CIAO3: variants seen among roughly 807,000 people sequenced by gnomAD.
CIAO3 encodes LET1 like/JFP15.
In CIAO3, 45 loss-of-function variants were observed where a neutral mutation model predicts 51.5. The ratio of observed to expected loss-of-function variants is 0.87; its 90% CI spans 0.69 to 1.12. The LOEUF (loss-of-function observed/expected upper bound fraction) is 1.12. Among genes scored for constraint, CIAO3 ranks in the 50% most tolerant of loss-of-function variants. CIAO3 has a pLI of 0.00. For missense variants in CIAO3, 668 were observed against 632.5 expected, an observed-to-expected ratio of 1.06 and a Z score of -0.60; for synonymous variants, 314 against 269.3, an observed-to-expected ratio of 1.17 and a Z score of -1.63.
In CIAO3 at chr16:736,247, C is replaced by T; in HGVS notation, c.439+19G>A. The T allele has an allele frequency of 6.2e-7, 1 of 1,612,116 alleles. No individual in the cohort carries two copies. The highest frequency in any genetic ancestry group is 8.5e-7 in the Non-Finnish European group (1 of 1,179,476). ...CCCTTGATTTGGAGCGGCAGTGTTA[C>T]CCCAGGTTCAAAGCCTACCTATTTT... On this transcript the variant is annotated intron_variant, in intron 4 of 10. Transcript: ENST00000251588.
At chr16:736,471 T>A in intron 3 of CIAO3, 73 bp from the exon 4 acceptor site, 1 of 1,588,508 alleles carries the variant, frequency 6.3e-7, no homozygotes, top group Non-Finnish European at 8.6e-7. Flanking sequence ...AGCCGCACGG[T>A]GAGATGCTGT....
Position 734,368 on chromosome 16 carries a change from C to G in CIAO3, c.575-21G>C, listed in dbSNP as rs777501488. 29 of 1,558,738 alleles carry G rather than the reference C, an allele frequency of 1.9e-5. No homozygotes were observed. The African/African-American group carries it at 3.9e-4, about 21-fold the overall frequency. On this transcript the variant is annotated intron_variant, in intron 5 of 10. Coordinates refer to ENST00000251588, the MANE Select transcript of CIAO3 (RefSeq NM_022493.3). ...CCAGCCTGAGGTGACAGGGGGCACA[C>G]GGGGCTGGCGGGGGCGCACGGCGGC... is the stretch of plus-strand genomic sequence containing the variant.
Position 734,953 on chromosome 16 carries a change from G to C in CIAO3, c.440-82C>G. Reference sequence around the variant, plus strand: ...ACGCCGGCGTGTGGACCACCATGGTGCTGCCAGGGCACGTGTGTCGCACCT... The same window carrying C: ...ACGCCGGCGTGTGGACCACCATGGTCCTGCCAGGGCACGTGTGTCGCACCT... On this transcript the variant is annotated intron_variant, in intron 4 of 10. Coordinates refer to ENST00000251588, the MANE Select transcript of CIAO3 (RefSeq NM_022493.3). 4.8e-6 allele frequency: 7 copies of C among 1,451,898 alleles called. No individual in the cohort carries two copies. The South Asian group carries it at 7.1e-5, about 15-fold the overall frequency. 89.9% of individuals were successfully genotyped at this position (1,451,898 alleles called of 1,614,324 possible). A position where few individuals can be genotyped will look rare whatever the true frequency, so the allele number is the denominator to read the frequency against.
Position 730,850 on chromosome 16 carries a change from G to T in CIAO3, c.1185C>A (p.Cys395Ter). The T allele has an allele frequency of 2.5e-6, 4 of 1,612,600 alleles. No homozygotes were observed. The South Asian group carries it at 4.4e-5, about 18-fold the overall frequency. The stretch of plus-strand genomic sequence containing the variant: ...GTCCCTTGCAGGAGCTACCTGAGGG[G>T]CAGGCCATGACCTCCACGTAGTGGT... ...CPYHYVEVMA[C>*]PSGCLNGGGQ... The change falls in exon 10 of 11, where the codon TGC becomes TGA. Residue 395 changes from cysteine to a stop codon, truncating the protein, a stop_gained. Coordinates refer to ENST00000251588, the MANE Select transcript of CIAO3 (RefSeq NM_022493.3). LOFTEE classifies it low-confidence loss of function (END_TRUNC).
rs576154899 is a variant in CIAO3 at position 730,162 on chromosome 16, A to C, written c.*255T>G. On this transcript the variant is annotated 3_prime_UTR_variant, in exon 11 of 11. Coordinates refer to ENST00000251588, the MANE Select transcript of CIAO3 (RefSeq NM_022493.3). ...GGCCTCGGCCCAGGGCCAACGGAAC[A>C]GGCTCTGGGACCTCAGGGAACCTTC... 1.8e-6 allele frequency: 1 copy of C among 570,222 alleles called. No individual in the cohort carries two copies. The highest frequency in any genetic ancestry group is 1.9e-5 in the African/African-American group (1 of 53,408). 35.3% of individuals were successfully genotyped at this position (570,222 alleles called of 1,614,324 possible).
chr16:736,297 G>A lies in CIAO3; in HGVS notation c.408C>T (p.Ala136=). ...ARFQLNPTDT[A]RKLTSFFKKI... ...TTTTAAAGAATGAGGTTAATTTCCTGGCAGTATCTGTAGGATTCAGCTGAA... is the reference window on the plus strand; with the variant it reads ...TTTTAAAGAATGAGGTTAATTTCCTAGCAGTATCTGTAGGATTCAGCTGAA... The change falls in exon 4 of 11, where the codon GCC becomes GCT. Residue 136 remains alanine (A), a synonymous_variant. Coordinates refer to ENST00000251588, the MANE Select transcript of CIAO3 (RefSeq NM_022493.3). 1 of 1,612,978 alleles carries A rather than the reference G, an allele frequency of 6.2e-7. No homozygotes were observed. The highest frequency in any genetic ancestry group is 8.5e-7 in the Non-Finnish European group (1 of 1,179,796).
chr16:730,736 C>A, intron 10 of CIAO3, 81 bp from the exon 11 acceptor site: 1 of 1,577,948 alleles, frequency 6.3e-7, no homozygotes, highest in Non-Finnish European at 8.6e-7. Flanking sequence ...GGGAGGTGAC[C>A]GGGCCCCCTC....
At chr16:738,138 GCT>G (rs2041357462) in intron 2 of CIAO3, 1 of 1,012,680 alleles carries the variant, frequency 9.9e-7, no homozygotes, top group East Asian at 1.0e-4. Flanking sequence ...GCCACAGGGT[GCT>G]GGGCAGAGGC....
At chr16:736,212 C>T in intron 4 of CIAO3, 54 bp downstream of exon 4, 1 of 1,608,222 alleles carries the variant, frequency 6.2e-7, no homozygotes, top group Non-Finnish European at 8.5e-7. Flanking sequence ...CCTGGGCTTA[C>T]TCAGACGCCC....
Position 737,075 on chromosome 16 carries a change from A to G in CIAO3, c.306+111T>C. On this transcript the variant is annotated intron_variant, in intron 3 of 10. Coordinates refer to ENST00000251588, the MANE Select transcript of CIAO3 (RefSeq NM_022493.3). This position sits in a 1 kb window ranked among gnomAD's most constrained non-coding sequence, Gnocchi z 5.3. ...TCCAAGCCTCAAAAAGGCAGGCGCC[A>G]CCCGCACGACGGACGTCGGCACCAC... The G allele has an allele frequency of 2.8e-6, 4 of 1,427,040 alleles. No homozygotes were observed. Among genetic ancestry groups the G allele is most frequent in the Non-Finnish European group, 3.9e-6 (4 of 1,027,358 alleles). The allele number at this position is 1,427,040 out of a possible 1,614,324, so 88.4% of individuals were successfully genotyped here.
At chr16:739,297 T>G in intron 2 of CIAO3, 1 of 291,116 alleles carries the variant, frequency 3.4e-6, no homozygotes, top group Non-Finnish European at 6.7e-6. Flanking sequence ...AGACTCTGTA[T>G]CAAACAAACA....
intron 3 of CIAO3, among the ~76,000 whole-genome samples, chr16:736,783 C>T (rs1002878109): frequency 3.3e-5 from 5 of 152,136 alleles, no homozygotes; most frequent in African/African-American, 1.2e-4. Flanking sequence ...CCTGCCTCAG[C>T]CTCTCTAGTA....
rs111890934 is a variant in CIAO3, at chr16:733,087, G to A, written c.823+211C>T. ...AGCCAACAAGGAGGTATTACTGAGC[G>A]CCACCTGGCTGCAGGTCCCCAAGAC... On this transcript the variant is annotated intron_variant, in intron 7 of 10. Transcript: ENST00000251588. The A allele has an allele frequency of 6.6e-3, 3,862 of 584,312 alleles. 102 individuals are homozygous for A. Among genetic ancestry groups the A allele is most frequent in the African/African-American group, 0.063 (3,362 of 53,466 alleles). 36.2% of individuals were successfully genotyped at this position (584,312 alleles called of 1,614,324 possible).
intron 7 of CIAO3, 25 bp from the exon 8 acceptor site, chr16:732,398 A>G: frequency 1.2e-6 from 2 of 1,611,720 alleles, no homozygotes; most frequent in Non-Finnish European, 8.5e-7. Flanking sequence ...CAGCGCAGAC[A>G]CTCTTTAGCG....
intron 3 of CIAO3, 78 bp from the exon 4 acceptor site, chr16:736,476 T>C (rs2041339659): frequency 6.3e-7 from 1 of 1,580,412 alleles, no homozygotes; most frequent in Non-Finnish European, 8.6e-7. Context: ...CACGGTGAGA[T>C]GCTGTCAGCT....
Position 731,654 on chromosome 16 carries a change from G to A in CIAO3, c.945C>T (p.Gly315=). 8 of 1,557,912 alleles carry A rather than the reference G, an allele frequency of 5.1e-6. No homozygotes were observed. The highest frequency in any genetic ancestry group is 6.9e-6 in the Non-Finnish European group (8 of 1,151,660). Residue 315 remains glycine (G), a synonymous_variant, in exon 9 of 11, where the codon GGC becomes GGT. Coordinates refer to ENST00000251588, the MANE Select transcript of CIAO3 (RefSeq NM_022493.3). ...AEEPTSHRGG[G]SGGYLEHVFR... ...ACACGTGCTCCAGGTAGCCCCCCGA[G>A]CCCCCTCCCCGATGGCTGGTGGGCT...
rs1419922083 is a variant in CIAO3, at chr16:737,092, C to CGGCACCACACGAGCTGCCCTT, written c.306+73_306+93dup. 3.6e-5 allele frequency: 56 copies of CGGCACCACACGAGCTGCCCTT among 1,543,154 alleles called. No homozygotes were observed. The highest frequency in any genetic ancestry group is 4.8e-5 in the Non-Finnish European group (54 of 1,122,576). ...CAGGCGCCACCCGCACGACGGACGT[C>CGGCACCACACGAGCTGCCCTT]GGCACCACACGAGCTGCCCTTGGCA... On this transcript the variant is annotated intron_variant, in intron 3 of 10. Transcript: ENST00000251588. This position sits in a 1 kb window ranked among gnomAD's most constrained non-coding sequence, Gnocchi z 5.3.
In CIAO3 at chr16:729,916, G is replaced by A. The variant is rs1299516446; in HGVS notation, c.*501C>T. 3 of 354,840 alleles carry A rather than the reference G, an allele frequency of 8.5e-6. No homozygotes were observed. Among genetic ancestry groups the A allele is most frequent in the Non-Finnish European group, 1.6e-5 (3 of 192,466 alleles). 22.0% of individuals were successfully genotyped at this position (354,840 alleles called of 1,614,324 possible). On this transcript the variant is annotated 3_prime_UTR_variant, in exon 11 of 11. Coordinates refer to ENST00000251588, the MANE Select transcript of CIAO3 (RefSeq NM_022493.3). ...GTAACGGTAACCCCTGCTTTCCAGG[G>A]GCCTGGCACCCCCCCCTGCCAGGGT... is the stretch of plus-strand genomic sequence containing the variant.
chr16:737,845 G>T lies in CIAO3; in HGVS notation c.163-516C>A. The T allele has an allele frequency of 5.9e-6, 7 of 1,184,544 alleles. No individual in the cohort carries two copies. The highest frequency in any genetic ancestry group is 6.4e-6 in the Non-Finnish European group (6 of 938,342). 73.4% of individuals were successfully genotyped at this position (1,184,544 alleles called of 1,614,324 possible). On this transcript the variant is annotated intron_variant, in intron 2 of 10. Transcript: ENST00000251588. The surrounding 1 kb of genome is among the most constrained non-coding windows in gnomAD (Gnocchi z 5.3). ...ACTCGCCAAACAGATGCAGGAACAA[G>T]GTGTTCCAGTCGGGGGCCTCCGGGA...
Sources: gnomAD v4.1 joint callset for allele counts (sites outside exome capture counted in the v4.1 genomes callset) on GRCh38, gnomAD v4.1.1 for gene constraint, Gnocchi (gnomAD v3.1) non-coding constraint, MANE v1.5 for transcripts, NCBI Gene and HGNC (gene_info 2026-07-23, HGNC 2026-07-21) for gene names.